RALGAPB: variants seen among roughly 807,000 people sequenced by gnomAD.
RALGAPB encodes ral GTPase-activating protein subunit beta.
A neutral mutation model predicts 161.1 loss-of-function variants in RALGAPB; 25 were observed. That is an observed-to-expected ratio of 0.16 (90% confidence interval 0.11 to 0.22). The LOEUF is 0.22. RALGAPB is among the 10% of genes least tolerant of loss of function. The pLI, the probability that RALGAPB is intolerant of heterozygous loss-of-function variation, is 1.00. For missense variants in RALGAPB, 1,391 were observed against 1,815.2 expected (o/e 0.77, Z 4.25); for synonymous variants, 629 against 626.1 (o/e 1.00, Z -0.07).
intron 12 of RALGAPB, 144 bp downstream of exon 12, chr20:38,525,662 A>G (rs1375586497): frequency 1.2e-6 from 1 of 853,818 alleles, no homozygotes; most frequent in African/African-American, 1.7e-5. Context: ...GTGAATTAAC[A>G]AAGTTGACTT....
At chr20:38,520,943 CGAT>C (rs1402489355) in intron 9 of RALGAPB, among the ~76,000 whole-genome samples, 9 of 151,988 alleles carry the variant, frequency 5.9e-5, no homozygotes, top group Admixed American at 1.3e-4. Context: ...CTTGGTTGAG[CGAT>C]TCTTTGGTGT....
intron 1 of RALGAPB, among the ~76,000 whole-genome samples, chr20:38,478,582 G>A (rs1303566): frequency 0.63 from 96,120 of 151,516 alleles, 35,193 homozygotes; most frequent in East Asian, 0.91. Flanking sequence ...CACCACACCC[G>A]GCTAATTTTT....
At chr20:38,526,202 GC>G (rs1440971496) in intron 13 of RALGAPB, among the ~76,000 whole-genome samples, 160 bp downstream of exon 13, 1 of 152,160 alleles carries the variant, frequency 6.6e-6, no homozygotes, top group Non-Finnish European at 1.5e-5. Flanking sequence ...AAAATTTAAA[GC>G]AGTGAGATGA....
At chr20:38,500,427 TG>T (rs1438586943) in intron 5 of RALGAPB, among the ~76,000 whole-genome samples, 37 of 152,318 alleles carry the variant, frequency 2.4e-4, no homozygotes, top group Non-Finnish European at 1.5e-4. Flanking sequence ...CCATTGTAAT[TG>T]TTTTAGAGTG....
intron 5 of RALGAPB, among the ~76,000 whole-genome samples, chr20:38,501,176 A>G (rs2085582892): frequency 6.6e-6 from 1 of 152,204 alleles, no homozygotes; most frequent in South Asian, 2.1e-4. Context: ...GACACCATCT[A>G]GGACTTCTAT....
At chr20:38,473,410 G>A (rs1393761098) in intron 1 of RALGAPB, among the ~76,000 whole-genome samples, 1 of 152,216 alleles carries the variant, frequency 6.6e-6, no homozygotes, top group Admixed American at 6.5e-5. Context: ...GAAAGGTTAG[G>A]CAAGTTGCTG....
intron 16 of RALGAPB, 87 bp from the exon 17 acceptor site, chr20:38,539,689 A>C: frequency 7.7e-7 from 1 of 1,297,028 alleles, no homozygotes; most frequent in East Asian, 2.4e-5. Flanking sequence ...GACATTGTCA[A>C]ATAGGTCAAG....
chr20:38,478,594 T>A (rs1012322672), intron 1 of RALGAPB, among the ~76,000 whole-genome samples: 10 of 151,386 alleles, frequency 6.6e-5, no homozygotes, highest in South Asian at 4.2e-4. Flanking sequence ...CTAATTTTTT[T>A]ATTTTTATTA....
At chr20:38,562,759 T>TTC in intron 24 of RALGAPB, 62 bp downstream of exon 24, 1 of 1,469,764 alleles carries the variant, frequency 6.8e-7, no homozygotes, top group Non-Finnish European at 9.2e-7. Context: ...TTTTTTTTTT[T>TTC]CCCCCTTTAC....
At chr20:38,550,376 A>G (rs1021312438) in intron 20 of RALGAPB, among the ~76,000 whole-genome samples, 1 of 152,224 alleles carries the variant, frequency 6.6e-6, no homozygotes, top group African/African-American at 2.4e-5. Context: ...AAATTGGAGC[A>G]TGTGCCTAAA....
intron 21 of RALGAPB, among the ~76,000 whole-genome samples, chr20:38,551,780 G>A (rs1220570627): frequency 2.0e-5 from 3 of 152,094 alleles, no homozygotes; most frequent in African/African-American, 4.8e-5. Flanking sequence ...AATTTAGAGA[G>A]TTAATTAAGA....
chr20:38,567,610 A>G (rs1367974281), intron 26 of RALGAPB, among the ~76,000 whole-genome samples: 1 of 152,240 alleles, frequency 6.6e-6, no homozygotes, highest in Non-Finnish European at 1.5e-5. Flanking sequence ...ATATAAAAAT[A>G]GGAACATTAG....
chr20:38,570,871 C>T, intron 28 of RALGAPB, 24 bp downstream of exon 28: 1 of 1,478,176 alleles, frequency 6.8e-7, no homozygotes, highest in Non-Finnish European at 9.4e-7. Context: ...GCTTGAAGTT[C>T]ATCAGCGTGT....
intron 5 of RALGAPB, among the ~76,000 whole-genome samples, chr20:38,504,827 G>C (rs1393047388): frequency 6.6e-6 from 1 of 152,144 alleles, no homozygotes; most frequent in Admixed American, 6.5e-5. Flanking sequence ...ATGAAAAAAT[G>C]CTCCACATTA....
intron 13 of RALGAPB, among the ~76,000 whole-genome samples, chr20:38,527,887 C>G (rs1279964828): frequency 6.6e-6 from 1 of 152,190 alleles, no homozygotes; most frequent in African/African-American, 2.4e-5. Flanking sequence ...TCCATCTTCT[C>G]TTTATCCATA....
chr20:38,557,440 A>G (rs907890015), intron 22 of RALGAPB, among the ~76,000 whole-genome samples: 6 of 152,184 alleles, frequency 3.9e-5, no homozygotes, highest in African/African-American at 1.4e-4. Context: ...GTGTATAATG[A>G]CATGTGTCTA....
chr20:38,484,994 GC>G (rs1262570897), intron 1 of RALGAPB, among the ~76,000 whole-genome samples: 1 of 152,066 alleles, frequency 6.6e-6, no homozygotes, highest in African/African-American at 2.4e-5. Context: ...CACCACACCT[GC>G]CTGGTGATGT....
intron 4 of RALGAPB, among the ~76,000 whole-genome samples, chr20:38,497,802 G>A (rs78928515): frequency 0.028 from 4,227 of 152,202 alleles, 74 homozygotes; most frequent in Admixed American, 0.044. Flanking sequence ...TAGGCCAGGC[G>A]TAGTGGCTAT....
chr20:38,479,239 G>A lies in RALGAPB; in HGVS notation c.-31+6170G>A, dbSNP rs565409194. On this transcript the variant is annotated intron_variant, in intron 1 of 29. Coordinates refer to ENST00000262879, the MANE Select transcript of RALGAPB (RefSeq NM_020336.4). The stretch of plus-strand genomic sequence containing the variant: ...AATCCTAGGACAAATTTGACATGTA[G>A]CTGGTGTTTAATGTTTGTTTAATGA... 2.6e-5 allele frequency among the ~76,000 whole-genome samples: 4 copies of A among 152,306 alleles called. No homozygotes were observed. The South Asian group carries it at 8.3e-4, about 32-fold the overall frequency.
Sources: gnomAD v4.1 joint callset for allele counts (sites outside exome capture counted in the v4.1 genomes callset) on GRCh38, gnomAD v4.1.1 for gene constraint, MANE v1.5 for transcripts, NCBI Gene and HGNC (gene_info 2026-07-23, HGNC 2026-07-21) for gene names.